The following DMD variants were observed in gnomAD, a reference collection of about 807,000 sequenced individuals.
The protein encoded by DMD is dystrophin, also known as mutant dystrophin.
Under a neutral mutation model 330.1 loss-of-function variants are expected in DMD, and 63 were observed. The ratio of observed to expected loss-of-function variants is 0.19; its 90% CI spans 0.16 to 0.24. DMD has a LOEUF of 0.24. DMD is among the 10% of genes least tolerant of loss of function. The probability of loss-of-function intolerance (pLI) is 1.00; values close to 1 mark genes in which losing one functional copy is unlikely to be tolerated. For synonymous variants in DMD, 1,223 were observed against 959.8 expected, an observed-to-expected ratio of 1.27 and a Z score of -5.07; for missense variants, 3,344 against 2,684.1, an observed-to-expected ratio of 1.25 and a Z score of -5.43.
chrX:32,376,199 T>G, intron 34 of DMD, among the ~76,000 whole-genome samples: 1 of 111,638 alleles, frequency 9.0e-6, no homozygotes, highest in Non-Finnish European at 1.9e-5. Flanking sequence ...GAGAACTGCT[T>G]GAACCCAGGA....
intron 16 of DMD, among the ~76,000 whole-genome samples, chrX:32,561,317 C>T (rs2050976876): frequency 9.0e-6 from 1 of 110,966 alleles, no homozygotes; most frequent in Non-Finnish European, 1.9e-5. Flanking sequence ...ACATGAATGA[C>T]CTGATAGAGC....
intron 55 of DMD, among the ~76,000 whole-genome samples, chrX:31,518,550 A>G (rs761779965): frequency 9.1e-6 from 1 of 109,975 alleles, no homozygotes; most frequent in East Asian, 2.9e-4. Context: ...TTTATATTAT[A>G]TTTTATGTGC....
chrX:31,219,138 A>C (rs975733996), intron 64 of DMD, among the ~76,000 whole-genome samples: 2 of 111,795 alleles, frequency 1.8e-5, no homozygotes, highest in African/African-American at 6.5e-5. Flanking sequence ...CTGAAGAGTT[A>C]GCATTTTCAT....
At chrX:31,275,002 G>C (rs770020906) in intron 62 of DMD, among the ~76,000 whole-genome samples, 1 of 110,593 alleles carries the variant, frequency 9.0e-6, no homozygotes, top group Non-Finnish European at 1.9e-5. Context: ...GCTAAACACA[G>C]TATCAGACAG....
chrX:31,871,094 A>G (rs1027773888), intron 48 of DMD, among the ~76,000 whole-genome samples: 3 of 111,449 alleles, frequency 2.7e-5, no homozygotes, highest in Non-Finnish European at 5.6e-5. Flanking sequence ...TGAAATCAAC[A>G]TATTTTATGT....
chrX:32,136,519 G>C (rs1182756198), intron 44 of DMD, among the ~76,000 whole-genome samples: 2 of 109,852 alleles, frequency 1.8e-5, no homozygotes, highest in Admixed American at 9.9e-5. Context: ...AATCAATGCA[G>C]ATTACAAGAG....
chrX:32,043,454 T>A (rs917583231), intron 44 of DMD, among the ~76,000 whole-genome samples: 2 of 112,280 alleles, frequency 1.8e-5, no homozygotes, highest in Non-Finnish European at 3.8e-5. Flanking sequence ...AAAAGGCACC[T>A]AGGAAGTGAA....
At chrX:31,368,951 T>C (rs1025526433) in intron 60 of DMD, among the ~76,000 whole-genome samples, 2 of 111,320 alleles carry the variant, frequency 1.8e-5, no homozygotes, top group Non-Finnish European at 3.8e-5. Context: ...CGGCCCGAGG[T>C]CCCTTCTTGA....
chrX:32,914,252 G>T (rs926017181), intron 2 of DMD, among the ~76,000 whole-genome samples: 3 of 111,676 alleles, frequency 2.7e-5, no homozygotes, highest in African/African-American at 9.8e-5. Flanking sequence ...ACAGAGAAAT[G>T]CAACTAACTC....
At chrX:31,745,727 T>C (rs1398991135) in intron 51 of DMD, among the ~76,000 whole-genome samples, 2 of 112,009 alleles carry the variant, frequency 1.8e-5, no homozygotes, top group African/African-American at 6.5e-5. Context: ...TTTTACTATA[T>C]AGGGGTAAAA....
At chrX:32,190,876 A>G (rs2147592491) in intron 44 of DMD, among the ~76,000 whole-genome samples, 1 of 108,605 alleles carries the variant, frequency 9.2e-6, no homozygotes, top group South Asian at 4.0e-4. Context: ...TCCTTTTCTT[A>G]CCTTTAGGAT....
chrX:32,992,183 T>C (rs925852645), intron 2 of DMD, among the ~76,000 whole-genome samples: 1 of 112,344 alleles, frequency 8.9e-6, no homozygotes, highest in African/African-American at 3.2e-5. Context: ...ATCTATTTGA[T>C]GTAGATCTGT....
intron 2 of DMD, among the ~76,000 whole-genome samples, chrX:32,856,775 C>T (rs971714021): frequency 9.0e-6 from 1 of 111,665 alleles, no homozygotes; most frequent in Non-Finnish European, 1.9e-5. Flanking sequence ...CAACAATTTA[C>T]TGTACATTTA....
chrX:32,692,862 T>A (rs1282502555), intron 9 of DMD, among the ~76,000 whole-genome samples: 1 of 111,687 alleles, frequency 9.0e-6, no homozygotes, highest in Non-Finnish European at 1.9e-5. Context: ...ATCATATTGG[T>A]TGCCGGGTTT....
intron 52 of DMD, among the ~76,000 whole-genome samples, chrX:31,717,800 T>C (rs2085171974): frequency 8.9e-6 from 1 of 112,568 alleles, no homozygotes; most frequent in Non-Finnish European, 1.9e-5. Context: ...CTTGATTTTA[T>C]CTTTTCAAAC....
At chrX:33,006,926 C>A (rs1454661830) in intron 2 of DMD, among the ~76,000 whole-genome samples, 1 of 110,522 alleles carries the variant, frequency 9.0e-6, no homozygotes, top group East Asian at 2.9e-4. Flanking sequence ...TTTTTCTCCA[C>A]TCTCTCAATC....
At chrX:31,981,701 G>A (rs774865926) in intron 44 of DMD, among the ~76,000 whole-genome samples, 1 of 111,515 alleles carries the variant, frequency 9.0e-6, no homozygotes, top group East Asian at 2.8e-4. Context: ...TGTCTGCTCT[G>A]TCAAGGAGAA....
chrX:33,297,785 T>C (rs905179972), intron 1 of DMD, among the ~76,000 whole-genome samples: 1 of 111,198 alleles, frequency 9.0e-6, no homozygotes, highest in East Asian at 2.9e-4. Flanking sequence ...GTTGAACTTA[T>C]AGAAGTAGGG....
chrX:33,312,312 G>A (rs935827315), intron 1 of DMD, among the ~76,000 whole-genome samples: 2 of 110,637 alleles, frequency 1.8e-5, no homozygotes, highest in Non-Finnish European at 3.8e-5. Flanking sequence ...GCCTGTGTGC[G>A]GGTTCTGCAG....
Sources: allele counts gnomAD v4.1 joint callset (sites outside exome capture counted in the v4.1 genomes callset), GRCh38; gene constraint gnomAD v4.1.1; transcripts MANE v1.5; gene names NCBI Gene and HGNC (gene_info 2026-07-23, HGNC 2026-07-21).